Variants in MAGI2 observed in about 807,000 individuals in gnomAD.
MAGI2 encodes membrane-associated guanylate kinase, WW and PDZ domain-containing protein 2.
MAGI2 carries 35 observed loss-of-function variants against 133.3 expected under a neutral mutation model. That is an observed-to-expected ratio of 0.26 (90% confidence interval 0.20 to 0.35). MAGI2 has a LOEUF of 0.35. Among genes scored for constraint, MAGI2 ranks in the 10% least tolerant of loss-of-function variants. The pLI is 1.00. For missense variants in MAGI2, 1,636 were observed against 1,863.4 expected, an observed-to-expected ratio of 0.88 and a Z score of 2.25; for synonymous variants, 729 against 710.6, an observed-to-expected ratio of 1.03 and a Z score of -0.41.
In MAGI2 at chr7:79,397,102, T is replaced by G. The variant is rs147106846; in HGVS notation, c.301+55918A>C. Among the ~76,000 whole-genome samples, 425 of 150,922 alleles carry G rather than the reference T, an allele frequency of 2.8e-3. 3 individuals carry two copies. Among genetic ancestry groups the G allele is most frequent in the African/African-American group, 0.01 (416 of 41,378 alleles). On this transcript the variant is annotated intron_variant, in intron 1 of 21. Coordinates refer to ENST00000354212, the MANE Select transcript of MAGI2 (RefSeq NM_012301.4). Reference sequence around the variant, plus strand: ...TTACATATATATGCTTTTTTAAATATGAAAATCATAGAATAAACTGATCCA... The same window carrying G: ...TTACATATATATGCTTTTTTAAATAGGAAAATCATAGAATAAACTGATCCA...
In MAGI2 at chr7:78,521,442, C is replaced by A. The variant is rs370972067; in HGVS notation, c.742G>T (p.Val248Leu). The change falls in exon 4 of 22, where the codon GTA (valine) becomes TTA (leucine). Residue 248 changes from valine (V) to leucine (L), a missense_variant. By Grantham distance (32) the Val-to-Leu change is conservative (BLOSUM62 1). Around this residue, in one of 5 missense-constraint regions of MAGI2, gnomAD observed 165 missense variants for 128.4 expected, o/e 1.28. Coordinates refer to ENST00000354212, the MANE Select transcript of MAGI2 (RefSeq NM_012301.4). ...ERPVVNGNGV[V>L]VTPESSEHED... Reference sequence around the variant, plus strand: ...GTAAATGACTAACCTGGTGTTACTACTACTCCATTTCCATTGACCACAGGC... The same window carrying A: ...GTAAATGACTAACCTGGTGTTACTAATACTCCATTTCCATTGACCACAGGC... 1.2e-6 allele frequency: 2 copies of A among 1,613,482 alleles called. No individual in the cohort carries two copies. Among genetic ancestry groups the A allele is most frequent in the African/African-American group, 1.3e-5 (1 of 74,906 alleles).
At chr7:78,552,339 A>G (rs1275558030) in intron 3 of MAGI2, among the ~76,000 whole-genome samples, 1 of 151,580 alleles carries the variant, frequency 6.6e-6, no homozygotes, top group Non-Finnish European at 1.5e-5. Context: ...ATGCATCACC[A>G]CGCCTACCTA....
intron 10 of MAGI2, among the ~76,000 whole-genome samples, chr7:78,249,221 G>C (rs375489242): frequency 6.6e-6 from 1 of 152,040 alleles, no homozygotes; most frequent in African/African-American, 2.4e-5. Flanking sequence ...AACAAGTGTC[G>C]GCGAGGATGT....
At chr7:78,218,856 C>T (rs185568070) in intron 10 of MAGI2, among the ~76,000 whole-genome samples, 129 of 152,276 alleles carry the variant, frequency 8.5e-4, no homozygotes, top group African/African-American at 2.9e-3. Flanking sequence ...ATTAACAAGT[C>T]GAGAACCACA....
intron 1 of MAGI2, among the ~76,000 whole-genome samples, chr7:79,007,752 G>A (rs1807599511): frequency 6.6e-6 from 1 of 152,000 alleles, no homozygotes; most frequent in South Asian, 2.1e-4. Context: ...AGTTAAGTAG[G>A]ATGGTATAAA....
chr7:78,083,698 A>G (rs1816310095), intron 20 of MAGI2, among the ~76,000 whole-genome samples: 1 of 152,232 alleles, frequency 6.6e-6, no homozygotes, highest in Non-Finnish European at 1.5e-5. Flanking sequence ...TAAGTTCTGC[A>G]TTCCTACTCA....
intron 20 of MAGI2, among the ~76,000 whole-genome samples, chr7:78,106,491 C>A (rs1205817142): frequency 6.6e-6 from 1 of 152,074 alleles, no homozygotes; most frequent in East Asian, 1.9e-4. Context: ...ACAAGCGTTC[C>A]CCTATCTCCC....
rs149107606 is a variant in MAGI2 at position 79,387,853 on chromosome 7, C to G, written c.301+65167G>C. ...AAATTTTAATAAATTTTTCAAAAAA[C>G]AAACTATAGCAATAATCAAGTCAAA... is the stretch of plus-strand genomic sequence containing the variant. On this transcript the variant is annotated intron_variant, in intron 1 of 21. Coordinates refer to ENST00000354212, the MANE Select transcript of MAGI2 (RefSeq NM_012301.4). Among the ~76,000 whole-genome samples, 619 of 151,840 alleles carry G rather than the reference C, an allele frequency of 4.1e-3. 3 individuals are homozygous for G. Among genetic ancestry groups the G allele is most frequent in the African/African-American group, 0.014 (579 of 41,506 alleles).
rs1825797277 is a variant in MAGI2, at chr7:78,774,103, C to T, written c.419-146864G>A. Among the ~76,000 whole-genome samples, 4 of 152,096 alleles carry T rather than the reference C, an allele frequency of 2.6e-5. 1 individual carries two copies. The South Asian group carries it at 6.2e-4, about 24-fold the overall frequency. On this transcript the variant is annotated intron_variant, in intron 2 of 21. Transcript: ENST00000354212. ...CTGGTTTTGTAGTGTTTGCTGAGTA[C>T]CAGAATCACCTGTAGAGATTTTAAC... is the stretch of plus-strand genomic sequence containing the variant.
At chr7:78,875,386 G>C (rs1002094703) in intron 2 of MAGI2, among the ~76,000 whole-genome samples, 2 of 152,140 alleles carry the variant, frequency 1.3e-5, no homozygotes, top group African/African-American at 4.8e-5. Context: ...ACCACAGAAA[G>C]AATGTCTCCA....
At chr7:79,317,007 T>C (rs1224598877) in intron 1 of MAGI2, among the ~76,000 whole-genome samples, 1 of 149,002 alleles carries the variant, frequency 6.7e-6, no homozygotes, top group African/African-American at 2.5e-5. Flanking sequence ...TAGGGTTTTT[T>C]TTTTTCTTTT....
rs68164396 is a variant in MAGI2, at chr7:79,399,094, TC to T, written c.301+53925del. On this transcript the variant is annotated intron_variant, in intron 1 of 21. Transcript: ENST00000354212. ...AGTATTATTTCTTTTTTTTTTCTTT[TC>T]TTTTTTTTTTTTTTTGGGAGATGGA... Among the ~76,000 whole-genome samples the T allele has an allele frequency of 5.4e-3, 712 of 132,684 alleles. 9 individuals are homozygous for T. The highest frequency in any genetic ancestry group is 8.4e-3 in the Non-Finnish European group (548 of 65,376). 87.0% of individuals were successfully genotyped at this position (132,684 alleles called of 152,430 possible). A position where few individuals can be genotyped will look rare whatever the true frequency, so the allele number is the denominator to read the frequency against.
intron 1 of MAGI2, among the ~76,000 whole-genome samples, chr7:79,320,232 C>T (rs897765388): frequency 6.6e-6 from 1 of 151,788 alleles, no homozygotes; most frequent in African/African-American, 2.4e-5. Flanking sequence ...ATACAAATAA[C>T]ACACACACAC....
At chr7:78,139,328 C>G (rs1822503502) in intron 16 of MAGI2, among the ~76,000 whole-genome samples, 1 of 152,284 alleles carries the variant, frequency 6.6e-6, no homozygotes, top group Admixed American at 6.5e-5. Context: ...CTAGAGTTTT[C>G]CTTACATATG....
In MAGI2 at chr7:78,141,997, A is replaced by C. The variant is rs533077212; in HGVS notation, c.2846-6791T>G. On this transcript the variant is annotated intron_variant, in intron 16 of 21. Transcript: ENST00000354212. ...TACTGAGAGTAAATTAGTAACTGAA[A>C]GAAATCTCACGACATTAGGAATTGT... Among the ~76,000 whole-genome samples the C allele has an allele frequency of 4.9e-4, 75 of 152,322 alleles. 1 individual carries two copies. Among genetic ancestry groups the C allele is most frequent in the Non-Finnish European group, 7.6e-4 (52 of 68,028 alleles).
In MAGI2 at chr7:78,863,012, G is replaced by A. The variant is rs532640715; in HGVS notation, c.418+144078C>T. On this transcript the variant is annotated intron_variant, in intron 2 of 21. Coordinates refer to ENST00000354212, the MANE Select transcript of MAGI2 (RefSeq NM_012301.4). ...TAAAGTGTTTGCAGTCTGGAGTATT[G>A]AAAATCTCAGCCTAATCCAACTTTT... 1.1e-4 allele frequency among the ~76,000 whole-genome samples: 16 copies of A among 152,322 alleles called. No individual in the cohort carries two copies. The East Asian group carries it at 2.9e-3, about 28-fold the overall frequency.
intron 2 of MAGI2, among the ~76,000 whole-genome samples, chr7:78,776,814 G>A (rs1335028565): frequency 6.6e-6 from 1 of 152,000 alleles, no homozygotes; most frequent in African/African-American, 2.4e-5. Flanking sequence ...ATAACCTTGA[G>A]AAAATTATCT....
chr7:79,224,603 G>C (rs1193573737), intron 1 of MAGI2, among the ~76,000 whole-genome samples: 1 of 151,892 alleles, frequency 6.6e-6, no homozygotes, highest in African/African-American at 2.4e-5. Flanking sequence ...TAAGACTCAG[G>C]GTTACATCCA....
chr7:78,679,667 C>T (rs1171747719), intron 2 of MAGI2, among the ~76,000 whole-genome samples: 1 of 152,100 alleles, frequency 6.6e-6, no homozygotes, highest in African/African-American at 2.4e-5. Context: ...AGAGAAAATG[C>T]TATTCTGGAG....
Sources: allele counts gnomAD v4.1 joint callset (sites outside exome capture counted in the v4.1 genomes callset), GRCh38; gene constraint gnomAD v4.1.1; regional missense constraint gnomAD v4.1.1; transcripts MANE v1.5; gene names NCBI Gene and HGNC (gene_info 2026-07-23, HGNC 2026-07-21).